The following CDH2 variants were observed in gnomAD, a reference collection of about 807,000 sequenced individuals.
The protein encoded by CDH2 is cadherin-2.
In CDH2, 17 loss-of-function variants were observed where a neutral mutation model predicts 92.0. That is an observed-to-expected ratio of 0.18 (90% CI 0.13 to 0.28). The LOEUF (loss-of-function observed/expected upper bound fraction) is 0.28. CDH2 is among the 10% of genes least tolerant of loss of function. CDH2 has a pLI of 1.00. For synonymous variants in CDH2, 419 were observed against 415.9 expected (o/e 1.01, Z -0.09); for missense variants, 862 against 1,133.1 (o/e 0.76, Z 3.44).
intron 5 of CDH2, among the ~76,000 whole-genome samples, chr18:28,006,549 C>T (rs1357394434): frequency 1.3e-5 from 2 of 151,104 alleles, no homozygotes; most frequent in African/African-American, 4.9e-5. Flanking sequence ...GAAACCCCGT[C>T]TCTACTAAAA....
At chr18:28,123,716 T>C (rs1343579867) in intron 2 of CDH2, among the ~76,000 whole-genome samples, 1 of 152,198 alleles carries the variant, frequency 6.6e-6, no homozygotes, top group Admixed American at 6.5e-5. Context: ...TTCATTCCAC[T>C]GTATCGATCT....
intron 7 of CDH2, among the ~76,000 whole-genome samples, chr18:27,996,366 A>G (rs111972966): frequency 0.014 from 2,110 of 152,238 alleles, 50 homozygotes; most frequent in African/African-American, 0.048. Context: ...GAGGCCAAGG[A>G]TGCTGCTAAA....
At position 28,132,586 on chromosome 18, in the gene CDH2, C is replaced by T. The variant is rs556845213; in HGVS notation, c.172+15087G>A. On this transcript the variant is annotated intron_variant, in intron 2 of 15. Coordinates refer to ENST00000269141, the MANE Select transcript of CDH2 (RefSeq NM_001792.5). ...ATCTCACTGATCCAAAGGGGTTCCA[C>T]TGCAGTCAGAGGAACAGGACTTTGA... is the stretch of plus-strand genomic sequence containing the variant. Among the ~76,000 whole-genome samples, 195 of 152,268 alleles carry T rather than the reference C, an allele frequency of 1.3e-3. 1 individual carries two copies. Among genetic ancestry groups the T allele is most frequent in the African/African-American group, 4.5e-3 (189 of 41,564 alleles).
chr18:28,142,522 T>C (rs1175847536), intron 2 of CDH2, among the ~76,000 whole-genome samples: 1 of 151,682 alleles, frequency 6.6e-6, no homozygotes, highest in Admixed American at 6.6e-5. Flanking sequence ...GGAAAGTTCT[T>C]GGTTCTTTTA....
rs184590172 is a variant in CDH2 at position 28,018,856 on chromosome 18, G to A, written c.173-4947C>T. ...GGAAAAGAAGTCATTATATGAAAAA[G>A]ATACTTGCACACACGTTTATATATA... On this transcript the variant is annotated intron_variant, in intron 2 of 15. Transcript: ENST00000269141. Among the ~76,000 whole-genome samples the A allele has an allele frequency of 6.1e-4, 91 of 149,114 alleles. 1 individual carries two copies. Among genetic ancestry groups the A allele is most frequent in the Non-Finnish European group, 1.1e-3 (73 of 67,450 alleles).
At chr18:28,173,728 G>A (rs999320532) in intron 1 of CDH2, among the ~76,000 whole-genome samples, 1 of 152,056 alleles carries the variant, frequency 6.6e-6, no homozygotes, top group Non-Finnish European at 1.5e-5. Context: ...TTAGAACAAT[G>A]GGGTTATGCA....
At chr18:28,060,188 T>C (rs577657939) in intron 2 of CDH2, among the ~76,000 whole-genome samples, 1 of 152,204 alleles carries the variant, frequency 6.6e-6, no homozygotes, top group South Asian at 2.1e-4. Flanking sequence ...CTTATCATCA[T>C]CATTATTATT....
chr18:28,011,926 T>A lies in CDH2; in HGVS notation c.466A>T (p.Arg156Trp). 6.2e-7 allele frequency: 1 copy of A among 1,614,004 alleles called. No individual in the cohort carries two copies. The highest frequency in any genetic ancestry group is 8.5e-7 in the Non-Finnish European group (1 of 1,179,864). The change falls in exon 4 of 16, where the codon AGG becomes TGG. Residue 156 changes from arginine to tryptophan, a missense_variant. Around this residue, in one of 5 missense-constraint regions of CDH2, gnomAD observed 21 missense variants for 61.8 expected, o/e 0.34. Transcript: ENST00000269141. ...QFSKHSGHLQ[R>W]QKRDWVIPPI... ...GGGATGACCCAGTCTCTCTTCTGCC[T>A]TTGTAGGTGGCCACTGTGCTTACTG...
intron 14 of CDH2, among the ~76,000 whole-genome samples, chr18:27,977,692 A>C (rs2011894374): frequency 6.6e-6 from 1 of 152,182 alleles, no homozygotes; most frequent in African/African-American, 2.4e-5. Context: ...CTGATCTCTG[A>C]GATCTACACA....
intron 2 of CDH2, among the ~76,000 whole-genome samples, chr18:28,121,850 G>T (rs577087628): frequency 7.2e-5 from 11 of 152,068 alleles, no homozygotes; most frequent in African/African-American, 2.7e-4. Context: ...CCCAAGCAGC[G>T]AAGTGAGCAG....
intron 14 of CDH2, among the ~76,000 whole-genome samples, chr18:27,967,790 T>TG (rs1167867672): frequency 6.6e-6 from 1 of 152,204 alleles, no homozygotes; most frequent in African/African-American, 2.4e-5. Context: ...GATATAGTTC[T>TG]GGGGGAGTTA....
chr18:28,109,960 C>T (rs2015383753), intron 2 of CDH2, among the ~76,000 whole-genome samples: 1 of 152,104 alleles, frequency 6.6e-6, no homozygotes, highest in South Asian at 2.1e-4. Context: ...CAAGAATGTA[C>T]ATACCATACT....
chr18:27,982,886 C>A, intron 14 of CDH2, 58 bp downstream of exon 14: 1 of 1,176,970 alleles, frequency 8.5e-7, no homozygotes, highest in South Asian at 1.7e-5. Context: ...TAACACTTCC[C>A]ACTATTAAAT....
chr18:28,036,950 C>A (rs1183672210), intron 2 of CDH2, among the ~76,000 whole-genome samples: 1 of 152,126 alleles, frequency 6.6e-6, no homozygotes, highest in Non-Finnish European at 1.5e-5. Flanking sequence ...TAGTAACAAT[C>A]CATCACTTGT....
chr18:28,158,447 T>C (rs1039907009), intron 1 of CDH2, among the ~76,000 whole-genome samples: 1 of 152,188 alleles, frequency 6.6e-6, no homozygotes, highest in Admixed American at 6.5e-5. Context: ...CATGGATATC[T>C]TGGGTGACTG....
chr18:28,084,061 T>C (rs909955010), intron 2 of CDH2, among the ~76,000 whole-genome samples: 19 of 152,192 alleles, frequency 1.2e-4, no homozygotes, highest in Non-Finnish European at 5.9e-5. Flanking sequence ...ATGAAGACTT[T>C]TGTCTGACAA....
At chr18:28,134,370 C>CA (rs2144301587) in intron 2 of CDH2, among the ~76,000 whole-genome samples, 1 of 152,038 alleles carries the variant, frequency 6.6e-6, no homozygotes, top group East Asian at 1.9e-4. Flanking sequence ...GCCTTTCCCC[C>CA]ACAAAAAAGA....
At chr18:28,080,914 T>C (rs2014816815) in intron 2 of CDH2, among the ~76,000 whole-genome samples, 2 of 152,190 alleles carry the variant, frequency 1.3e-5, no homozygotes, top group Admixed American at 1.3e-4. Context: ...TATTAACTAC[T>C]GGAAAGCATA....
At chr18:28,094,232 A>C (rs890575536) in intron 2 of CDH2, among the ~76,000 whole-genome samples, 3 of 152,162 alleles carry the variant, frequency 2.0e-5, no homozygotes, top group Non-Finnish European at 4.4e-5. Flanking sequence ...CACACCTGTA[A>C]TCTCAAAACT....
Sources: allele counts gnomAD v4.1 joint callset (sites outside exome capture counted in the v4.1 genomes callset), GRCh38; gene constraint gnomAD v4.1.1; regional missense constraint gnomAD v4.1.1; transcripts MANE v1.5; gene names NCBI Gene and HGNC (gene_info 2026-07-23, HGNC 2026-07-21).